The following TMEM134 variants were observed in gnomAD, a reference collection of about 807,000 sequenced individuals.
The protein encoded by TMEM134 is transmembrane protein 134.
TMEM134 carries 36 observed loss-of-function variants against 26.2 expected under a neutral mutation model. The observed-to-expected ratio is 1.37, with a 90% CI of 1.05 to 1.81. The LOEUF is 1.81. TMEM134 is among the 40% of genes most tolerant of loss of function. The probability of loss-of-function intolerance (pLI) is 0.00; values close to 1 mark genes in which losing one functional copy is unlikely to be tolerated. For missense variants in TMEM134, 339 were observed against 263.5 expected, an observed-to-expected ratio of 1.29 and a Z score of -1.98; for synonymous variants, 133 against 113.6, an observed-to-expected ratio of 1.17 and a Z score of -1.08.
Position 67,464,678 on chromosome 11 carries a change from A to C in TMEM134, c.524T>G (p.Ile175Ser), listed in dbSNP as rs1865126050. 11 of 1,553,840 alleles carry C rather than the reference A, an allele frequency of 7.1e-6. No individual in the cohort carries two copies. Among genetic ancestry groups the C allele is most frequent in the Admixed American group, 1.9e-5 (1 of 51,286 alleles). The stretch of plus-strand genomic sequence containing the variant: ...CCGGTGGCCCTTGACCGCGCAGTAG[A>C]TGAAGATCACGTGATAGACTGCGGG... Reference protein sequence around the residue: ...LVPGVYHVIFIYCAVKGHRGF... With the variant: ...LVPGVYHVIFSYCAVKGHRGF... The change falls in exon 7 of 7, where the codon ATC (isoleucine) becomes AGC (serine). Residue 175 changes from isoleucine to serine, a missense_variant. By Grantham distance (142) the Ile-to-Ser change is moderately radical. Coordinates refer to ENST00000308022, the MANE Select transcript of TMEM134 (RefSeq NM_025124.4).
At chr11:67,467,818 G>C in intron 2 of TMEM134, 1 of 653,692 alleles carries the variant, frequency 1.5e-6, no homozygotes, top group Admixed American at 2.6e-5. Context: ...AGACCAGACT[G>C]GGGGTTTCTG....
intron 5 of TMEM134, 48 bp from the exon 6 acceptor site, chr11:67,464,904 G>A (rs780919730): frequency 1.2e-5 from 19 of 1,601,140 alleles, no homozygotes; most frequent in Non-Finnish European, 1.5e-5. Flanking sequence ...CGGAGGCTTC[G>A]AGGCCTTCCG....
At chr11:67,467,805 G>A in intron 2 of TMEM134, 1 of 656,264 alleles carries the variant, frequency 1.5e-6, no homozygotes. Context: ...GAAGGTGGGG[G>A]CCAGACCAGA....
At chr11:67,468,869 G>C in intron 1 of TMEM134, 150 bp downstream of exon 1, 1 of 864,284 alleles carries the variant, frequency 1.2e-6, no homozygotes, top group Non-Finnish European at 1.6e-6. Flanking sequence ...CAGGGCTCTG[G>C]ATCAAGAGTC....
At chr11:67,466,802 T>C (rs1220119729) in intron 4 of TMEM134, 1 of 167,416 alleles carries the variant, frequency 6.0e-6, no homozygotes, top group African/African-American at 2.4e-5. Context: ...AGTTCCCCCA[T>C]CTGAGCAATG....
In TMEM134 at chr11:67,461,792, T is replaced by C. The variant is rs1313748605; in HGVS notation, c.*2822A>G. 6.6e-6 allele frequency: 1 copy of C among 152,212 alleles called. No individual in the cohort carries two copies. The highest frequency in any genetic ancestry group is 1.9e-4 in the East Asian group (1 of 5,206). 9.4% of individuals were successfully genotyped at this position (152,212 alleles called of 1,614,324 possible). A position where few individuals can be genotyped will look rare whatever the true frequency, so the allele number is the denominator to read the frequency against. On this transcript the variant is annotated 3_prime_UTR_variant, in exon 7 of 7. Coordinates refer to ENST00000308022, the MANE Select transcript of TMEM134 (RefSeq NM_025124.4). ...AATTTGAATTTTATATAATTTTATG[T>C]CATAAAATCTTATTATTCTTTGACT...
At chr11:67,468,273 G>A in intron 1 of TMEM134, 181 bp from the exon 2 acceptor site, 1 of 618,758 alleles carries the variant, frequency 1.6e-6, no homozygotes, top group Non-Finnish European at 2.9e-6. Context: ...TAGGAGGTGG[G>A]TGGATGCCAG....
rs1489773510 is a variant in TMEM134 at position 67,464,850 on chromosome 11, G to A, written c.458C>T (p.Ser153Phe). The A allele has an allele frequency of 1.9e-6, 3 of 1,610,574 alleles. No individual in the cohort carries two copies. In the South Asian group the frequency reaches 3.3e-5, roughly 18 times the overall value. Residue 153 changes from serine (S) to phenylalanine (F), a missense_variant, in exon 6 of 7, where the codon TCC becomes TTC. Physicochemically the swap from Ser to Phe is radical, Grantham distance 155. Transcript: ENST00000308022. ...GCCCGGCACGAAGAAGATGGCGCTG[G>A]AGACACCTGCGGGAGGGACCAGAGC... ...GLEATPSPGVSSAIFFVPGFL... is the reference protein window; with the variant it reads ...GLEATPSPGVFSAIFFVPGFL...
At chr11:67,465,360 C>G (rs1865187566) in intron 4 of TMEM134, 1 of 975,034 alleles carries the variant, frequency 1.0e-6, no homozygotes, top group Admixed American at 3.5e-5. Flanking sequence ...TACTGCGTGC[C>G]TGGTACTGGG....
chr11:67,465,792 C>T (rs994794251), intron 4 of TMEM134: 1 of 152,168 alleles, frequency 6.6e-6, no homozygotes, highest in Non-Finnish European at 1.5e-5. Flanking sequence ...TAGCCCAGCC[C>T]AGGCGTGGTG....
chr11:67,465,122 G>T (rs763430443), intron 4 of TMEM134, 22 bp from the exon 5 acceptor site: 1 of 1,564,146 alleles, frequency 6.4e-7, no homozygotes, highest in Non-Finnish European at 8.6e-7. Flanking sequence ...CGGAGCCGCG[G>T]GGGTGGGGGC....
chr11:67,465,781 T>C (rs1865211628), intron 4 of TMEM134: 1 of 151,540 alleles, frequency 6.6e-6, no homozygotes, highest in Non-Finnish European at 1.5e-5. Context: ...TAAAAAAAAA[T>C]TAGCCCAGCC....
chr11:67,469,032 C>T lies in TMEM134; in HGVS notation c.161G>A (p.Arg54Gln), dbSNP rs1007095205. The T allele has an allele frequency of 6.6e-7, 1 of 1,509,708 alleles. No homozygotes were observed. The highest frequency in any genetic ancestry group is 1.4e-5 in the African/African-American group (1 of 69,468). 93.5% of individuals were successfully genotyped at this position (1,509,708 alleles called of 1,614,324 possible). ...FEVADEDKQS[R>Q]LRYQNLENDE... is the part of the protein sequence containing the mutation. ...CGGGCGGTTCACCTGGTAGCGCAGC[C>T]GGGACTGCTTGTCCTCGTCAGCCAC... The change falls in exon 1 of 7, where the codon CGG becomes CAG. Residue 54 changes from arginine to glutamine, a missense_variant. Physicochemically the swap from Arg to Gln is conservative, Grantham distance 43 (BLOSUM62 1). Transcript: ENST00000308022.
chr11:67,462,187 AAAAAC>A lies in TMEM134; in HGVS notation c.*2422_*2426del, dbSNP rs1865036995. On this transcript the variant is annotated 3_prime_UTR_variant, in exon 7 of 7. Transcript: ENST00000308022. Reference sequence around the variant, plus strand: ...GTCTCAAAAAAAAAACAAAAAAAAAAAAAACAAGGAGTAAAAAGTTGTTAGCTGCG... The same window carrying A: ...GTCTCAAAAAAAAAACAAAAAAAAAAAAGGAGTAAAAAGTTGTTAGCTGCG... 1 of 151,876 alleles carries A rather than the reference AAAAAC, an allele frequency of 6.6e-6. No homozygotes were observed. Among genetic ancestry groups the A allele is most frequent in the Non-Finnish European group, 1.5e-5 (1 of 67,974 alleles). The allele number at this position is 151,876 out of a possible 1,614,324, so 9.4% of individuals were successfully genotyped here.
Position 67,468,041 on chromosome 11 carries a change from C to G in TMEM134, c.226G>C (p.Gly76Arg). The G allele has an allele frequency of 6.4e-7, 1 of 1,560,356 alleles. No individual in the cohort carries two copies. Among genetic ancestry groups the G allele is most frequent in the Non-Finnish European group, 8.7e-7 (1 of 1,151,726 alleles). Residue 76 changes from glycine (G) to arginine (R), a missense_variant, in exon 2 of 7, where the codon GGA (glycine) becomes CGA (arginine). By Grantham distance (125) the Gly-to-Arg change is moderately radical. Transcript: ENST00000308022. The part of the protein sequence containing the change: ...GAQASPEPDG[G>R]VGTRDSSRTS... ...CCTGGCCCTAACCTGGTGCCGACTCCCCCATCCGGCTCCGGAGAGGCCTGG... is the reference window on the plus strand; with the variant it reads ...CCTGGCCCTAACCTGGTGCCGACTCGCCCATCCGGCTCCGGAGAGGCCTGG...
At position 67,469,153 on chromosome 11, in the gene TMEM134, A is replaced by G. The variant is rs1409989163; in HGVS notation, c.40T>C (p.Phe14Leu). Residue 14 changes from phenylalanine to leucine, a missense_variant, in exon 1 of 7, where the codon TTC becomes CTC. Transcript: ENST00000308022. ...ARPQFSIDDA[F>L]ELSLEDGGPG... The stretch of plus-strand genomic sequence containing the variant: ...CCCCCGTCCTCCAGGGACAGCTCGA[A>G]GGCATCATCAATGCTGAACTGGGGC... 5 of 1,464,092 alleles carry G rather than the reference A, an allele frequency of 3.4e-6. No individual in the cohort carries two copies. Among genetic ancestry groups the G allele is most frequent in the Admixed American group, 2.4e-5 (1 of 41,464 alleles). 90.7% of individuals were successfully genotyped at this position (1,464,092 alleles called of 1,614,324 possible). A position where few individuals can be genotyped will look rare whatever the true frequency, so the allele number is the denominator to read the frequency against.
At chr11:67,467,624 G>C (rs1233389915) in intron 2 of TMEM134, 34 bp from the exon 3 acceptor site, 7 of 1,605,240 alleles carry the variant, frequency 4.4e-6, no homozygotes, top group Non-Finnish European at 6.0e-6. Context: ...GGGGCAGGGA[G>C]GCAAGGACGG....
intron 2 of TMEM134, 138 bp from the exon 3 acceptor site, chr11:67,467,728 G>A (rs985908806): frequency 2.5e-6 from 2 of 813,182 alleles, no homozygotes; most frequent in Non-Finnish European, 4.0e-6. Flanking sequence ...GAGAGGCCTC[G>A]GTGGGTGAGC....
chr11:67,464,708 G>A lies in TMEM134; in HGVS notation c.506-12C>T, dbSNP rs766293562. The A allele has an allele frequency of 6.4e-7, 1 of 1,551,830 alleles. No homozygotes were observed. Among genetic ancestry groups the A allele is most frequent in the Non-Finnish European group, 8.7e-7 (1 of 1,147,364 alleles). On this transcript the variant is annotated splice_polypyrimidine_tract_variant and intron_variant, in intron 6 of 6. Transcript: ENST00000308022. ...GATCACGTGATAGACTGCGGGGCGG[G>A]GCCTGTCAGCGCAGAAGCCCCGCCC... is the stretch of plus-strand genomic sequence containing the variant.
Sources: gnomAD v4.1 joint callset for allele counts on GRCh38, gnomAD v4.1.1 for gene constraint, MANE v1.5 for transcripts, NCBI Gene and HGNC (gene_info 2026-07-23, HGNC 2026-07-21) for gene names.